COL14A1: variants seen among roughly 807,000 people sequenced by gnomAD.
COL14A1 encodes the protein collagen alpha-1(XIV) chain.
A neutral mutation model predicts 230.3 loss-of-function variants in COL14A1; 136 were observed. The observed-to-expected ratio is 0.59, with a 90% CI of 0.51 to 0.68. The LOEUF (loss-of-function observed/expected upper bound fraction) is 0.68, where lower values mean the gene tolerates loss of function less well. COL14A1 is among the 30% of genes least tolerant of loss of function. The pLI, the probability that COL14A1 is intolerant of heterozygous loss-of-function variation, is 0.00. For missense variants in COL14A1, 1,976 were observed against 2,215.8 expected, an observed-to-expected ratio of 0.89 and a Z score of 2.17; for synonymous variants, 792 against 784.1, an observed-to-expected ratio of 1.01 and a Z score of -0.17.
chr8:120,242,913 A>G (rs1818647892), intron 19 of COL14A1, among the ~76,000 whole-genome samples: 1 of 152,206 alleles, frequency 6.6e-6, no homozygotes, highest in Non-Finnish European at 1.5e-5. Context: ...AGGAGACAGC[A>G]TCGCCCTTTG....
intron 7 of COL14A1, among the ~76,000 whole-genome samples, chr8:120,198,530 A>G (rs1817121863): frequency 6.6e-6 from 1 of 152,098 alleles, no homozygotes. Flanking sequence ...GAGCATCCCA[A>G]CTCTGAAAAT....
chr8:120,278,321 T>C, intron 27 of COL14A1, 87 bp downstream of exon 27: 2 of 1,510,496 alleles, frequency 1.3e-6, no homozygotes, highest in East Asian at 2.3e-5. Context: ...GGCATAGTAA[T>C]TTTTTAAAGA....
Position 120,277,155 on chromosome 8 carries a change from A to G in COL14A1, c.3214-956A>G, listed in dbSNP as rs146612119. On this transcript the variant is annotated intron_variant, in intron 26 of 47. Coordinates refer to ENST00000297848, the MANE Select transcript of COL14A1 (RefSeq NM_021110.4). ...GCTTTGTATAGTAGTGGTTAAGAAC[A>G]TACATTTTGACCTAGAATAGACCTA... Among the ~76,000 whole-genome samples, 456 of 152,296 alleles carry G rather than the reference A, an allele frequency of 3.0e-3. 1 individual carries two copies. Among genetic ancestry groups the G allele is most frequent in the Non-Finnish European group, 5.4e-3 (369 of 68,016 alleles).
At chr8:120,240,086 A>T (rs954656302) in intron 19 of COL14A1, among the ~76,000 whole-genome samples, 1 of 152,096 alleles carries the variant, frequency 6.6e-6, no homozygotes, top group African/African-American at 2.4e-5. Flanking sequence ...GGAAAAAAAG[A>T]TCAAAAGTCT....
In COL14A1 at chr8:120,245,012, C is replaced by T. The variant is rs187504829; in HGVS notation, c.2479+1004C>T. Among the ~76,000 whole-genome samples the T allele has an allele frequency of 2.0e-3, 304 of 152,286 alleles. 1 individual carries two copies. Among genetic ancestry groups the T allele is most frequent in the African/African-American group, 6.9e-3 (287 of 41,568 alleles). ...CCCCATTCATACCTCCCTGTCTGCT[C>T]TCCACTGGACTCTTTGAAGTTGTTC... On this transcript the variant is annotated intron_variant, in intron 20 of 47. Coordinates refer to ENST00000297848, the MANE Select transcript of COL14A1 (RefSeq NM_021110.4).
At chr8:120,337,344 C>T (rs950287078) in intron 42 of COL14A1, among the ~76,000 whole-genome samples, 1 of 147,070 alleles carries the variant, frequency 6.8e-6, no homozygotes, top group African/African-American at 2.5e-5. Flanking sequence ...TGCAGTGAGC[C>T]GAGATCATAC....
intron 34 of COL14A1, among the ~76,000 whole-genome samples, chr8:120,295,516 A>G (rs1820498779): frequency 6.6e-6 from 1 of 151,752 alleles, no homozygotes; most frequent in Non-Finnish European, 1.5e-5. Context: ...GTTTGTTGCT[A>G]TTGTTGTTGT....
intron 5 of COL14A1, among the ~76,000 whole-genome samples, chr8:120,192,455 C>A (rs930130947): frequency 8.5e-5 from 13 of 152,158 alleles, no homozygotes; most frequent in Middle Eastern, 3.2e-3. Flanking sequence ...GTAACCCGAC[C>A]TTTCTCTCTG....
chr8:120,235,360 G>A (rs886090269), intron 19 of COL14A1, among the ~76,000 whole-genome samples: 3 of 151,846 alleles, frequency 2.0e-5, no homozygotes, highest in Non-Finnish European at 4.4e-5. Flanking sequence ...TAGTAGAGAT[G>A]GGTTTTCACC....
At chr8:120,244,945 C>A (rs1818718989) in intron 20 of COL14A1, among the ~76,000 whole-genome samples, 1 of 152,152 alleles carries the variant, frequency 6.6e-6, no homozygotes, top group Non-Finnish European at 1.5e-5. Context: ...AACCTACCAC[C>A]TGGATCCTGC....
intron 1 of COL14A1, among the ~76,000 whole-genome samples, chr8:120,132,062 A>G (rs935209295): frequency 6.6e-6 from 1 of 151,714 alleles, no homozygotes; most frequent in Non-Finnish European, 1.5e-5. Context: ...GTTAGCCAGG[A>G]TGGTCTTGAT....
intron 26 of COL14A1, among the ~76,000 whole-genome samples, chr8:120,273,457 A>G (rs1261773217): frequency 2.0e-5 from 3 of 151,922 alleles, no homozygotes; most frequent in Admixed American, 1.3e-4. Flanking sequence ...GCAGAACTAA[A>G]TGAAATTGAA....
intron 23 of COL14A1, among the ~76,000 whole-genome samples, chr8:120,259,798 A>G (rs756801903): frequency 4.6e-5 from 7 of 152,202 alleles, no homozygotes; most frequent in Non-Finnish European, 8.8e-5. Context: ...GTAGATCAGT[A>G]TGATCCACGC....
In COL14A1 at chr8:120,305,786, C is replaced by T. The variant is rs186258033; in HGVS notation, c.4402-4223C>T. Among the ~76,000 whole-genome samples the T allele has an allele frequency of 2.0e-3, 307 of 151,796 alleles. 2 individuals are homozygous for T. The highest frequency in any genetic ancestry group is 2.8e-3 in the Non-Finnish European group (187 of 67,858). On this transcript the variant is annotated intron_variant, in intron 36 of 47. Coordinates refer to ENST00000297848, the MANE Select transcript of COL14A1 (RefSeq NM_021110.4). ...CTTTAATTTTTGCTTTTTTTGTATT[C>T]CTTTTTTCTCCTCCACTAGTTTGGA...
chr8:120,225,341 G>T (rs960760756), intron 15 of COL14A1, 127 bp downstream of exon 15: 30 of 788,898 alleles, frequency 3.8e-5, no homozygotes, highest in Non-Finnish European at 4.6e-5. Flanking sequence ...TTTCTTTTAT[G>T]TTATTAAAAA....
At chr8:120,199,679 T>C (rs1817164801) in intron 8 of COL14A1, 113 bp downstream of exon 8, 1 of 1,090,422 alleles carries the variant, frequency 9.2e-7, no homozygotes. Context: ...GAGCACTTTC[T>C]AGTCTTGGCA....
In COL14A1 at chr8:120,207,056, G is replaced by A. The variant is rs758248742; in HGVS notation, c.1153G>A (p.Val385Ile). ...CCCAGGAAATGTGGAAAAATACAGA[G>A]TTGTGTATTATCCTACCAGGGGTGG... The part of the protein sequence containing the change: ...HAPGNVEKYR[V>I]VYYPTRGGKP... The change falls in exon 10 of 48, where the codon GTT becomes ATT. Residue 385 changes from valine (V) to isoleucine (I), a missense_variant. Around this residue, in one of 3 missense-constraint regions of COL14A1, gnomAD observed 1,791 missense variants for 2,019.5 expected, o/e 0.89. Transcript: ENST00000297848. 1 of 1,613,682 alleles carries A rather than the reference G, an allele frequency of 6.2e-7. No homozygotes were observed. The highest frequency in any genetic ancestry group is 2.2e-5 in the East Asian group (1 of 44,864).
chr8:120,300,665 T>C, intron 35 of COL14A1, 67 bp from the exon 36 acceptor site: 1 of 1,181,900 alleles, frequency 8.5e-7, no homozygotes, highest in Non-Finnish European at 1.2e-6. Flanking sequence ...ACTGTTTTCT[T>C]TGAGCCAGTA....
At chr8:120,317,341 T>TC (rs869107335) in intron 40 of COL14A1, among the ~76,000 whole-genome samples, 45 of 151,902 alleles carry the variant, frequency 3.0e-4, no homozygotes, top group African/African-American at 9.9e-4. Flanking sequence ...GCCTTCTACA[T>TC]CCCCCCCTTT....
Sources: allele counts gnomAD v4.1 joint callset (sites outside exome capture counted in the v4.1 genomes callset), GRCh38; gene constraint gnomAD v4.1.1; regional missense constraint gnomAD v4.1.1; transcripts MANE v1.5; gene names NCBI Gene and HGNC (gene_info 2026-07-23, HGNC 2026-07-21).